The following PLCG2 variants were observed in gnomAD, a reference collection of about 807,000 sequenced individuals.
PLCG2 encodes the protein phospholipase C gamma 2, also known as 1-phosphatidylinositol 4,5-bisphosphate phosphodiesterase gamma-2.
Under a neutral mutation model 175.6 loss-of-function variants are expected in PLCG2, and 69 were observed. The ratio of observed to expected loss-of-function variants is 0.39; its 90% CI spans 0.32 to 0.48. The LOEUF is 0.48. PLCG2 is among the 20% of genes least tolerant of loss of function. The probability of loss-of-function intolerance (pLI) is 0.91; values close to 1 mark genes in which losing one functional copy is unlikely to be tolerated. For missense variants in PLCG2, 1,798 were observed against 1,650.9 expected (o/e 1.09, Z -1.54); for synonymous variants, 827 against 624.0 (o/e 1.33, Z -4.85).
chr16:81,921,399 T>C (rs1176941859), intron 21 of PLCG2, 130 bp downstream of exon 21: 1 of 714,066 alleles, frequency 1.4e-6, no homozygotes, highest in East Asian at 2.7e-5. Flanking sequence ...TAATTTTTTT[T>C]TTTTTTTGAG....
At chr16:81,797,686 A>G (rs2143229140) in intron 2 of PLCG2, among the ~76,000 whole-genome samples, 1 of 152,316 alleles carries the variant, frequency 6.6e-6, no homozygotes, top group African/African-American at 2.4e-5. Flanking sequence ...TAACCATGGC[A>G]GCAGTATCTG....
At chr16:81,921,084 C>T (rs1207953903) in intron 20 of PLCG2, 114 bp from the exon 21 acceptor site, 2 of 638,608 alleles carry the variant, frequency 3.1e-6, no homozygotes, top group Non-Finnish European at 5.5e-6. Flanking sequence ...TATGAGGTTT[C>T]AACTCCTCTA....
intron 31 of PLCG2, among the ~76,000 whole-genome samples, chr16:81,954,924 C>A (rs1161368628): frequency 6.6e-6 from 1 of 152,186 alleles, no homozygotes; most frequent in Non-Finnish European, 1.5e-5. Context: ...TACTGTCTTC[C>A]ACAATGGTTG....
intron 17 of PLCG2, 71 bp downstream of exon 17, chr16:81,908,662 T>C: frequency 7.2e-7 from 1 of 1,384,644 alleles, no homozygotes; most frequent in Non-Finnish European, 9.8e-7. Flanking sequence ...TGGCGAGTGG[T>C]TCTAGCTCAG....
chr16:81,931,770 A>C (rs1431024778), intron 25 of PLCG2, 116 bp downstream of exon 25: 4 of 830,972 alleles, frequency 4.8e-6, no homozygotes, highest in African/African-American at 1.7e-5. Flanking sequence ...TCCTACTCAG[A>C]ATTCAGGAAG....
chr16:81,860,172 A>T (rs138923790), intron 5 of PLCG2, among the ~76,000 whole-genome samples: 6,991 of 120,324 alleles, frequency 0.058, 299 homozygotes, highest in East Asian at 0.16. Context: ...TATTATTATT[A>T]TTTTTTTTTT....
At chr16:81,914,906 AG>A (rs1212299503) in intron 19 of PLCG2, among the ~76,000 whole-genome samples, 1 of 152,154 alleles carries the variant, frequency 6.6e-6, no homozygotes, top group African/African-American at 2.4e-5. Flanking sequence ...TTGGGGTGTG[AG>A]GACTGATCCT....
chr16:81,917,568 A>T (rs1164917590), intron 19 of PLCG2, among the ~76,000 whole-genome samples: 1 of 152,194 alleles, frequency 6.6e-6, no homozygotes, highest in African/African-American at 2.4e-5. Flanking sequence ...TCCTTTAGCT[A>T]ATAGCCATTC....
At chr16:81,798,092 AAGTGTTGGG>A (rs1911554652) in intron 2 of PLCG2, among the ~76,000 whole-genome samples, 1 of 151,940 alleles carries the variant, frequency 6.6e-6, no homozygotes, top group Non-Finnish European at 1.5e-5. Flanking sequence ...TGGCCTCCCA[AAGTGTTGGG>A]ATTACAGGTG....
intron 19 of PLCG2, among the ~76,000 whole-genome samples, chr16:81,916,826 TG>T (rs1555520398): frequency 6.6e-6 from 1 of 151,648 alleles, no homozygotes; most frequent in African/African-American, 2.4e-5. Flanking sequence ...TTGGTAAAGG[TG>T]GGGTTTCACC....
chr16:81,899,264 ATGTGTG>A (rs200982591), intron 13 of PLCG2, among the ~76,000 whole-genome samples: 1 of 132,124 alleles, frequency 7.6e-6, no homozygotes, highest in Non-Finnish European at 1.6e-5. Context: ...CAGGAGGAGT[ATGTGTG>A]TATATATATA....
intron 7 of PLCG2, 89 bp from the exon 8 acceptor site, chr16:81,880,821 T>C: frequency 8.5e-7 from 1 of 1,170,342 alleles, no homozygotes; most frequent in Non-Finnish European, 1.3e-6. Context: ...TCTGACAAAA[T>C]GATGCTTTTT....
chr16:81,910,457 C>A, intron 17 of PLCG2, 63 bp from the exon 18 acceptor site: 4 of 1,449,450 alleles, frequency 2.8e-6, no homozygotes, highest in Non-Finnish European at 2.9e-6. Context: ...GCCTCTGAGG[C>A]CCTGGCTGCC....
chr16:81,897,746 T>C, intron 13 of PLCG2: 1 of 426,324 alleles, frequency 2.3e-6, no homozygotes, highest in South Asian at 1.7e-5. Context: ...GGTTTCACTA[T>C]GTTGGCCAGG....
At chr16:81,775,437 T>A (rs1910377737), upstream of PLCG2, among the ~76,000 whole-genome samples, 1 of 152,208 alleles carries the variant, frequency 6.6e-6, no homozygotes, top group Non-Finnish European at 1.5e-5. Flanking sequence ...TCCAAGTTCA[T>A]GCTTTCACAG....
intron 8 of PLCG2, 22 bp downstream of exon 8, chr16:81,880,975 G>T: frequency 6.2e-7 from 1 of 1,613,254 alleles, no homozygotes. Context: ...CTTGTGTGTC[G>T]TTCGGGGCGG....
chr16:81,788,825 G>C (rs1026929919), intron 2 of PLCG2, among the ~76,000 whole-genome samples: 4 of 152,194 alleles, frequency 2.6e-5, no homozygotes, highest in Non-Finnish European at 5.9e-5. Context: ...CCTCTTGACT[G>C]TTTGCATTGG....
chr16:81,850,065 A>C (rs1264568010), intron 2 of PLCG2, among the ~76,000 whole-genome samples: 1 of 152,220 alleles, frequency 6.6e-6, no homozygotes, highest in Non-Finnish European at 1.5e-5. Context: ...GAGAAAACAA[A>C]AGTAAACAAG....
At chr16:81,868,053 A>G (rs1415145894) in intron 5 of PLCG2, among the ~76,000 whole-genome samples, 1 of 152,196 alleles carries the variant, frequency 6.6e-6, no homozygotes, top group Non-Finnish European at 1.5e-5. Flanking sequence ...AGAAACACTC[A>G]TGCAGATTCC....
Sources: gnomAD v4.1 joint callset for allele counts (sites outside exome capture counted in the v4.1 genomes callset) on GRCh38, gnomAD v4.1.1 for gene constraint, MANE v1.5 for transcripts, NCBI Gene and HGNC (gene_info 2026-07-23, HGNC 2026-07-21) for gene names.